The following ALB variants were observed in gnomAD, a reference collection of about 807,000 sequenced individuals.
ALB encodes albumin.
Under a neutral mutation model 74.5 loss-of-function variants are expected in ALB, and 37 were observed. The observed-to-expected ratio is 0.50, with a 90% confidence interval of 0.38 to 0.65. ALB has a LOEUF of 0.65. ALB is among the 30% of genes least tolerant of loss of function. The pLI is 0.00. For missense variants in ALB, 685 were observed against 718.7 expected, an observed-to-expected ratio of 0.95 and a Z score of 0.54; for synonymous variants, 249 against 251.6, an observed-to-expected ratio of 0.99 and a Z score of 0.10.
Position 73,412,133 on chromosome 4 carries a change from GTCGTCGATA to G in ALB, c.843+10_843+18del. ...GAATGTGCTGATGACAGGGTAAAGA[GTCGTCGATA>G]TGCTTTTTGGTAGCTTGCATGCTCA... On this transcript the variant is annotated intron_variant, in intron 7 of 14. Coordinates refer to ENST00000295897, the MANE Select transcript of ALB (RefSeq NM_000477.7). 1.2e-6 allele frequency: 2 copies of G among 1,613,904 alleles called. No individual in the cohort carries two copies. Among genetic ancestry groups the G allele is most frequent in the Non-Finnish European group, 1.7e-6 (2 of 1,179,864 alleles).
In ALB at chr4:73,405,192, G is replaced by C. The variant is rs377570527; in HGVS notation, c.137+19G>C. On this transcript the variant is annotated intron_variant, in intron 2 of 14. Coordinates refer to ENST00000295897, the MANE Select transcript of ALB (RefSeq NM_000477.7). ...AAGCCTTGTAAGTTAAAATATTGAT[G>C]AATCAAATTTAATGTTTCTAATAGT... 6.4e-7 allele frequency: 1 copy of C among 1,572,138 alleles called. No homozygotes were observed. Among genetic ancestry groups the C allele is most frequent in the South Asian group, 1.1e-5 (1 of 90,164 alleles).
At chr4:73,409,240 T>C (rs1718807416) in intron 4 of ALB, 115 bp from the exon 5 acceptor site, 3 of 1,137,804 alleles carry the variant, frequency 2.6e-6, no homozygotes, top group Non-Finnish European at 3.9e-6. Flanking sequence ...TTGAGCTTAA[T>C]TGGTTAATTA....
At chr4:73,416,125 A>G in intron 9 of ALB, 131 bp from the exon 10 acceptor site, 2 of 694,198 alleles carry the variant, frequency 2.9e-6, no homozygotes, top group Non-Finnish European at 5.3e-6. Context: ...ACAGAGCGGC[A>G]TTGATATTCA....
intron 2 of ALB, among the ~76,000 whole-genome samples, chr4:73,405,731 C>T (rs1718706439): frequency 6.6e-6 from 1 of 151,906 alleles, no homozygotes; most frequent in African/African-American, 2.4e-5. Context: ...GCTGGGACTA[C>T]AGGCGCCCGC....
chr4:73,411,932 G>A, intron 6 of ALB, 64 bp from the exon 7 acceptor site: 1 of 1,588,774 alleles, frequency 6.3e-7, no homozygotes, highest in Non-Finnish European at 8.6e-7. Flanking sequence ...AATAGTATTT[G>A]CCTAGTGTTT....
chr4:73,410,648 T>A (rs1233209225), intron 6 of ALB, among the ~76,000 whole-genome samples: 1 of 152,004 alleles, frequency 6.6e-6, no homozygotes, highest in African/African-American at 2.4e-5. Context: ...CTTTTTGTCC[T>A]AAAAAAAGGG....
chr4:73,419,647 A>G lies in ALB; in HGVS notation c.1785+8A>G, dbSNP rs1719099170. The G allele has an allele frequency of 1.2e-6, 2 of 1,613,808 alleles. No homozygotes were observed. The highest frequency in any genetic ancestry group is 1.3e-5 in the African/African-American group (1 of 74,978). On this transcript the variant is annotated splice_region_variant and intron_variant, in intron 13 of 14. Coordinates refer to ENST00000295897, the MANE Select transcript of ALB (RefSeq NM_000477.7). ...ACCTGCTTTGCCGAGGAGGTACTAC[A>G]GTTCTCTTCATTTTAATATGTCCAG...
At position 73,409,691 on chromosome 4, in the gene ALB, G is replaced by C. The variant is rs546430238; in HGVS notation, c.615+204G>C. On this transcript the variant is annotated intron_variant, in intron 5 of 14. Transcript: ENST00000295897. ...TTTTAAGATTTGCCAATGATGATCTGTCAGAGGTAATCACTGTGCATGTGT... is the reference window on the plus strand; with the variant it reads ...TTTTAAGATTTGCCAATGATGATCTCTCAGAGGTAATCACTGTGCATGTGT... Among the ~76,000 whole-genome samples the C allele has an allele frequency of 1.2e-4, 18 of 152,220 alleles. 1 individual carries two copies. Among genetic ancestry groups the C allele is most frequent in the African/African-American group, 4.3e-4 (18 of 41,540 alleles).
chr4:73,414,535 C>T (rs1718965426), intron 8 of ALB, among the ~76,000 whole-genome samples: 1 of 152,136 alleles, frequency 6.6e-6, no homozygotes, highest in South Asian at 2.1e-4. Flanking sequence ...GCCATCTCGG[C>T]TCACCACAAC....
In ALB at chr4:73,415,170, AG is replaced by A. The variant is rs1560858446; in HGVS notation, c.1191+5del. ...CTCATGAATGCTATGCCAAAGTGGT[AG>A]GTTTATTGTTGGAAAAAAATGTAGT... On this transcript the variant is annotated splice_donor_region_variant and intron_variant, in intron 9 of 14. Coordinates refer to ENST00000295897, the MANE Select transcript of ALB (RefSeq NM_000477.7). The A allele has an allele frequency of 1.2e-6, 2 of 1,614,132 alleles. No homozygotes were observed. The highest frequency in any genetic ancestry group is 8.5e-7 in the Non-Finnish European group (1 of 1,180,000).
rs776480118 is a variant in ALB at position 73,406,249 on chromosome 4, ACT to A, written c.138-377_138-376del. On this transcript the variant is annotated intron_variant, in intron 2 of 14. Coordinates refer to ENST00000295897, the MANE Select transcript of ALB (RefSeq NM_000477.7). The stretch of plus-strand genomic sequence containing the variant: ...ACTCCAGCCTGGGTGACAGAGTGAG[ACT>A]CTGTCTCAAAAAAGAAAAAGGAAAT... 2.6e-4 allele frequency among the ~76,000 whole-genome samples: 39 copies of A among 152,168 alleles called. No individual in the cohort carries two copies. In the Middle Eastern group the frequency reaches 0.01, roughly 40 times the overall value.
intron 8 of ALB, among the ~76,000 whole-genome samples, chr4:73,414,691 G>A (rs2149328726): frequency 6.6e-6 from 1 of 152,224 alleles, no homozygotes; most frequent in Non-Finnish European, 1.5e-5. Flanking sequence ...CTGACCTCTG[G>A]TGATATGCCT....
intron 7 of ALB, 88 bp from the exon 8 acceptor site, chr4:73,413,332 A>G: frequency 8.2e-7 from 1 of 1,212,824 alleles, no homozygotes; most frequent in Non-Finnish European, 1.2e-6. Context: ...GAATACAATG[A>G]ATATGTTCTG....
At chr4:73,419,677 C>A in intron 13 of ALB, 38 bp downstream of exon 13, 2 of 1,611,268 alleles carry the variant, frequency 1.2e-6, no homozygotes, top group South Asian at 2.2e-5. Flanking sequence ...GTCCAGTATT[C>A]ATTTTTGCAT....
chr4:73,419,610 G>A lies in ALB; in HGVS notation c.1756G>A (p.Asp586Asn), dbSNP rs772106178. 6.2e-7 allele frequency: 1 copy of A among 1,613,896 alleles called. No individual in the cohort carries two copies. The highest frequency in any genetic ancestry group is 1.3e-5 in the African/African-American group (1 of 74,888). ...TTTTGTAGAGAAGTGCTGCAAGGCT[G>A]ACGATAAGGAGACCTGCTTTGCCGA... ...AAFVEKCCKA[D>N]DKETCFAEEG... The change falls in exon 13 of 15, where the codon GAC (aspartate) becomes AAC (asparagine). Residue 586 changes from aspartate to asparagine, a missense_variant. Physicochemically the swap from Asp to Asn is conservative, Grantham distance 23. Coordinates refer to ENST00000295897, the MANE Select transcript of ALB (RefSeq NM_000477.7).
At chr4:73,415,665 A>T (rs1473391623) in intron 9 of ALB, among the ~76,000 whole-genome samples, 1 of 152,200 alleles carries the variant, frequency 6.6e-6, no homozygotes, top group Non-Finnish European at 1.5e-5. Context: ...TCCCACTAGC[A>T]TATGTAATGG....
At position 73,418,291 on chromosome 4, in the gene ALB, G is replaced by A. The variant is rs1419039393; in HGVS notation, c.1632G>A (p.Glu544=). 4 of 1,613,614 alleles carry A rather than the reference G, an allele frequency of 2.5e-6. No homozygotes were observed. Among genetic ancestry groups the A allele is most frequent in the Non-Finnish European group, 3.4e-6 (4 of 1,179,844 alleles). ...ATATATGCACACTTTCTGAGAAGGAGAGACAAATCAAGAAACAAACGTGAG... is the reference window on the plus strand; with the variant it reads ...ATATATGCACACTTTCTGAGAAGGAAAGACAAATCAAGAAACAAACGTGAG... ...HADICTLSEK[E]RQIKKQTALV... Residue 544 remains glutamate, a synonymous_variant, in exon 12 of 15, where the codon GAG becomes GAA. Transcript: ENST00000295897.
chr4:73,417,495 T>G, intron 10 of ALB, 36 bp from the exon 11 acceptor site: 1 of 1,613,190 alleles, frequency 6.2e-7, no homozygotes, highest in Non-Finnish European at 8.5e-7. Flanking sequence ...AGACAGTTTC[T>G]TGCCTTGCTG....
chr4:73,412,340 A>C, intron 7 of ALB: 1 of 601,364 alleles, frequency 1.7e-6, no homozygotes, highest in Non-Finnish European at 3.0e-6. Flanking sequence ...CTGATTTGTA[A>C]CTCCTTTCAG....
Sources: allele counts gnomAD v4.1 joint callset (sites outside exome capture counted in the v4.1 genomes callset), GRCh38; gene constraint gnomAD v4.1.1; transcripts MANE v1.5; gene names NCBI Gene and HGNC (gene_info 2026-07-23, HGNC 2026-07-21).